The following SCEL variants were observed in gnomAD, a reference collection of about 807,000 sequenced individuals.
SCEL encodes sciellin.
In SCEL, 113 loss-of-function variants were observed where a neutral mutation model predicts 117.6. The ratio of observed to expected loss-of-function variants is 0.96; its 90% CI spans 0.83 to 1.12. The LOEUF (loss-of-function observed/expected upper bound fraction) is 1.12, where lower values mean the gene tolerates loss of function less well. Ranked by LOEUF, SCEL falls within the 50% of genes most tolerant of loss-of-function variation. The pLI is 0.00. For missense variants in SCEL, 785 were observed against 810.8 expected, an observed-to-expected ratio of 0.97 and a Z score of 0.39; for synonymous variants, 270 against 256.2, an observed-to-expected ratio of 1.05 and a Z score of -0.51.
intron 19 of SCEL, chr13:77,606,423 A>T (rs2088195035): frequency 6.6e-6 from 1 of 152,228 alleles, no homozygotes; most frequent in Non-Finnish European, 1.5e-5. Flanking sequence ...AGTCCTAAAA[A>T]TATAGTTAAA....
At position 77,637,138 on chromosome 13, in the gene SCEL, A is replaced by C; in HGVS notation, c.1782A>C (p.Gly594=). The part of the protein sequence containing the change: ...YVENSKSPKD[G]YQENISGKYI... The stretch of plus-strand genomic sequence containing the variant: ...TTCCTAGTAAATCACCCAAGGATGG[A>C]TATCAGGAGAATATCTCTGGAAAAT... Residue 594 remains glycine, a synonymous_variant, in exon 30 of 33, where the codon GGA becomes GGC. Coordinates refer to ENST00000349847, the MANE Select transcript of SCEL (RefSeq NM_144777.3). The C allele has an allele frequency of 1.3e-6, 2 of 1,552,226 alleles. No individual in the cohort carries two copies. Among genetic ancestry groups the C allele is most frequent in the Non-Finnish European group, 1.7e-6 (2 of 1,146,288 alleles).
chr13:77,543,536 T>C (rs1306528623), intron 1 of SCEL, among the ~76,000 whole-genome samples: 1 of 152,188 alleles, frequency 6.6e-6, no homozygotes, highest in African/African-American at 2.4e-5. Context: ...TATCCAAATG[T>C]CACTCTATGT....
At chr13:77,547,071 GA>G (rs889253963) in intron 1 of SCEL, among the ~76,000 whole-genome samples, 18 of 152,288 alleles carry the variant, frequency 1.2e-4, no homozygotes, top group African/African-American at 4.3e-4. Context: ...GAAAGAAGGG[GA>G]GAATGGATAT....
chr13:77,628,170 G>GTGTATATATATATATATATATATATATA (rs10700333), intron 28 of SCEL, among the ~76,000 whole-genome samples, 161 bp downstream of exon 28: 1 of 139,740 alleles, frequency 7.2e-6, no homozygotes, highest in South Asian at 2.3e-4. Flanking sequence ...ATATGTGTGT[G>GTGTATATATATATATATATATATATATA]TATATATATA....
intron 17 of SCEL, 157 bp downstream of exon 17, chr13:77,602,870 A>G (rs2087817658): frequency 3.0e-6 from 2 of 662,364 alleles, no homozygotes; most frequent in East Asian, 5.5e-5. Flanking sequence ...TATTCGATCT[A>G]AATTTACATT....
chr13:77,589,502 T>C (rs973529464), intron 10 of SCEL, among the ~76,000 whole-genome samples: 3 of 152,220 alleles, frequency 2.0e-5, no homozygotes, highest in African/African-American at 7.2e-5. Flanking sequence ...AGACTTTTTA[T>C]ATATTTGCTC....
At chr13:77,553,186 CTACTCTCTCCCAGA>C (rs1420861839) in intron 1 of SCEL, among the ~76,000 whole-genome samples, 3 of 152,176 alleles carry the variant, frequency 2.0e-5, no homozygotes, top group Non-Finnish European at 4.4e-5. Context: ...CAGGGAGCAC[CTACTCTCTCCCAGA>C]TGCTGGGAAT....
In SCEL at chr13:77,589,280, G is replaced by A. The variant is rs1268581195; in HGVS notation, c.626+56G>A. The A allele has an allele frequency of 3.8e-6, 5 of 1,317,220 alleles. No homozygotes were observed. The Admixed American group carries it at 6.9e-5, about 18-fold the overall frequency. 81.6% of individuals were successfully genotyped at this position (1,317,220 alleles called of 1,614,324 possible). On this transcript the variant is annotated intron_variant, in intron 10 of 32. Coordinates refer to ENST00000349847, the MANE Select transcript of SCEL (RefSeq NM_144777.3). ...AAAATGAAGTTCAAGGGAAATGAAA[G>A]TAAATGGACTGTGACCCGCTGTGGG...
At chr13:77,642,994 T>C (rs888807767) in intron 32 of SCEL, among the ~76,000 whole-genome samples, 186 bp downstream of exon 32, 2 of 152,142 alleles carry the variant, frequency 1.3e-5, no homozygotes, top group East Asian at 3.8e-4. Flanking sequence ...AACTTTTGTA[T>C]TGTCTTCTGG....
chr13:77,563,784 T>G, intron 4 of SCEL, 47 bp from the exon 5 acceptor site: 1 of 1,445,812 alleles, frequency 6.9e-7, no homozygotes, highest in Non-Finnish European at 9.5e-7. Context: ...ACTTTTTTTT[T>G]GTAATTGATT....
chr13:77,550,827 A>G (rs756910913), intron 1 of SCEL, among the ~76,000 whole-genome samples: 1 of 152,156 alleles, frequency 6.6e-6, no homozygotes, highest in Non-Finnish European at 1.5e-5. Flanking sequence ...CCATTCATGT[A>G]TAAGTTTTTG....
intron 1 of SCEL, among the ~76,000 whole-genome samples, chr13:77,550,158 G>A (rs1482757668): frequency 4.0e-5 from 6 of 151,868 alleles, no homozygotes; most frequent in Non-Finnish European, 8.8e-5. Context: ...GGCTGAGGCA[G>A]GTGGATGGCT....
chr13:77,567,424 C>T (rs995989574), intron 5 of SCEL, among the ~76,000 whole-genome samples: 8 of 152,102 alleles, frequency 5.3e-5, no homozygotes, highest in East Asian at 1.9e-4. Context: ...ACTGCACTCC[C>T]GCCTGGGCAA....
In SCEL at chr13:77,556,723, T is replaced by C; in HGVS notation, c.161+10T>C. 1 of 1,583,356 alleles carries C rather than the reference T, an allele frequency of 6.3e-7. No individual in the cohort carries two copies. Among genetic ancestry groups the C allele is most frequent in the Non-Finnish European group, 8.7e-7 (1 of 1,152,102 alleles). On this transcript the variant is annotated intron_variant, in intron 3 of 32. Coordinates refer to ENST00000349847, the MANE Select transcript of SCEL (RefSeq NM_144777.3). ...GCCCTGAAGAAGAAAAGTAAGCTGG[T>C]GTGGAGCGTGGTGGGTGGACAGAAG...
chr13:77,590,308 A>G (rs2086796576), intron 10 of SCEL, among the ~76,000 whole-genome samples: 1 of 152,144 alleles, frequency 6.6e-6, no homozygotes, highest in Non-Finnish European at 1.5e-5. Flanking sequence ...GGATGAGAGC[A>G]TAATTTTTTA....
chr13:77,620,893 C>T (rs2154404220), intron 27 of SCEL, among the ~76,000 whole-genome samples: 1 of 152,136 alleles, frequency 6.6e-6, no homozygotes, highest in East Asian at 1.9e-4. Flanking sequence ...TTTAGTATTC[C>T]AAAAAGAGAA....
At chr13:77,592,562 C>CCT (rs2086934610) in intron 11 of SCEL, among the ~76,000 whole-genome samples, 11 of 133,338 alleles carry the variant, frequency 8.2e-5, no homozygotes, top group Non-Finnish European at 1.6e-4. Context: ...CTTCTTCTTC[C>CCT]TTTTTTTTTT....
At chr13:77,621,432 TA>T (rs1477050200) in intron 27 of SCEL, among the ~76,000 whole-genome samples, 2 of 152,196 alleles carry the variant, frequency 1.3e-5, no homozygotes, top group African/African-American at 2.4e-5. Context: ...ATCCTTTAGG[TA>T]TCAGCTTAGG....
intron 12 of SCEL, among the ~76,000 whole-genome samples, chr13:77,594,978 G>A (rs2087134718): frequency 6.6e-6 from 1 of 152,166 alleles, no homozygotes; most frequent in African/African-American, 2.4e-5. Flanking sequence ...TCATTGAAGT[G>A]TCTAGATCTC....
Sources: gnomAD v4.1 joint callset for allele counts (sites outside exome capture counted in the v4.1 genomes callset) on GRCh38, gnomAD v4.1.1 for gene constraint, MANE v1.5 for transcripts, NCBI Gene and HGNC (gene_info 2026-07-23, HGNC 2026-07-21) for gene names.